Variants in C1orf21 observed in about 807,000 individuals in gnomAD.
C1orf21 encodes the protein chromosome 1 open reading frame 21, also known as uncharacterized protein C1orf21.
Under a neutral mutation model 18.7 loss-of-function variants are expected in C1orf21, and 3 were observed. The observed-to-expected ratio is 0.16, with a 90% CI of 0.07 to 0.42. C1orf21 has a LOEUF of 0.42. Among genes scored for constraint, C1orf21 ranks in the 10% least tolerant of loss-of-function variants. The pLI is 0.99. For missense variants in C1orf21, 104 were observed against 143.6 expected, an observed-to-expected ratio of 0.72 and a Z score of 1.41; for synonymous variants, 41 against 46.4, an observed-to-expected ratio of 0.88 and a Z score of 0.47.
At chr1:184,549,079 T>C (rs1482594156) in intron 3 of C1orf21, among the ~76,000 whole-genome samples, 1 of 152,198 alleles carries the variant, frequency 6.6e-6, no homozygotes, top group African/African-American at 2.4e-5. Context: ...AAGAGGTATA[T>C]AGGTTTTACC....
At chr1:184,440,787 T>C (rs1656931221) in intron 1 of C1orf21, among the ~76,000 whole-genome samples, 2 of 152,344 alleles carry the variant, frequency 1.3e-5, no homozygotes, top group Non-Finnish European at 2.9e-5. Flanking sequence ...TCAACACTTA[T>C]GTTAAAAAAT....
chr1:184,584,487 C>A (rs972023940), intron 3 of C1orf21, among the ~76,000 whole-genome samples: 2 of 152,128 alleles, frequency 1.3e-5, no homozygotes, highest in Admixed American at 1.3e-4. Context: ...TAAAATGGTG[C>A]AGCCACCTTG....
At chr1:184,575,629 AAAG>A (rs1373781326) in intron 3 of C1orf21, among the ~76,000 whole-genome samples, 27 of 125,334 alleles carry the variant, frequency 2.2e-4, no homozygotes, top group South Asian at 4.4e-4. Flanking sequence ...AAAAAAAAAA[AAAG>A]AAGAACTTTA....
At chr1:184,472,243 A>G (rs1180602914) in intron 1 of C1orf21, among the ~76,000 whole-genome samples, 1 of 152,130 alleles carries the variant, frequency 6.6e-6, no homozygotes, top group Non-Finnish European at 1.5e-5. Context: ...CTTTTTAATC[A>G]GAAGAAGAAA....
At chr1:184,543,175 T>A (rs1395756954) in intron 3 of C1orf21, among the ~76,000 whole-genome samples, 4 of 152,102 alleles carry the variant, frequency 2.6e-5, no homozygotes, top group Non-Finnish European at 5.9e-5. Flanking sequence ...GCAAGACACC[T>A]TCTTCACAAA....
chr1:184,564,889 T>C (rs530001962), intron 3 of C1orf21, among the ~76,000 whole-genome samples: 2 of 152,232 alleles, frequency 1.3e-5, no homozygotes, highest in South Asian at 4.2e-4. Flanking sequence ...GAAGGTGAGG[T>C]TTGAAAATTC....
chr1:184,436,626 G>A (rs1656862783), intron 1 of C1orf21, among the ~76,000 whole-genome samples: 3 of 152,186 alleles, frequency 2.0e-5, no homozygotes, highest in South Asian at 4.1e-4. Context: ...AGACTGAGAA[G>A]TTGGAACACA....
intron 4 of C1orf21, among the ~76,000 whole-genome samples, chr1:184,591,602 C>T (rs552759471): frequency 1.1e-3 from 167 of 152,072 alleles, no homozygotes; most frequent in Middle Eastern, 3.4e-3. Flanking sequence ...GTCAGGAGAT[C>T]GAGACCATCC....
At position 184,599,783 on chromosome 1, in the gene C1orf21, G is replaced by A. The variant is rs114609153; in HGVS notation, c.327+1322G>A. The stretch of plus-strand genomic sequence containing the variant: ...AATACAGGTTAAGTATCCCTAAATC[G>A]AAATCCAAAATGCTCCAAAATCTGT... On this transcript the variant is annotated intron_variant, in intron 5 of 5. Transcript: ENST00000235307. Among the ~76,000 whole-genome samples, 355 of 152,212 alleles carry A rather than the reference G, an allele frequency of 2.3e-3. 1 individual carries two copies. The highest frequency in any genetic ancestry group is 8.3e-3 in the African/African-American group (346 of 41,546).
intron 5 of C1orf21, among the ~76,000 whole-genome samples, chr1:184,601,493 A>G (rs1659584075): frequency 6.6e-6 from 1 of 152,212 alleles, no homozygotes; most frequent in South Asian, 2.1e-4. Flanking sequence ...GGACTACTCT[A>G]ATTCAGAGAT....
intron 2 of C1orf21, among the ~76,000 whole-genome samples, chr1:184,491,461 C>T (rs1657815568): frequency 6.6e-6 from 1 of 151,970 alleles, no homozygotes; most frequent in Non-Finnish European, 1.5e-5. Flanking sequence ...GTGATTCTCC[C>T]ACCTTAGCCT....
chr1:184,518,807 CAGG>C (rs939487505), intron 3 of C1orf21, among the ~76,000 whole-genome samples: 1 of 151,980 alleles, frequency 6.6e-6, no homozygotes, highest in African/African-American at 2.4e-5. Context: ...TCAGGAAACT[CAGG>C]AGGAGATAGA....
intron 3 of C1orf21, among the ~76,000 whole-genome samples, chr1:184,548,960 C>G (rs1390948869): frequency 6.6e-6 from 1 of 152,146 alleles, no homozygotes; most frequent in African/African-American, 2.4e-5. Context: ...ATATATTACT[C>G]TATCACAATT....
intron 3 of C1orf21, among the ~76,000 whole-genome samples, chr1:184,571,783 C>G (rs1348390284): frequency 6.6e-6 from 1 of 152,144 alleles, no homozygotes; most frequent in African/African-American, 2.4e-5. Flanking sequence ...TCCTCATCCT[C>G]TTTAATTTAT....
intron 5 of C1orf21, among the ~76,000 whole-genome samples, chr1:184,613,075 G>T (rs1010045780): frequency 6.6e-6 from 1 of 151,888 alleles, no homozygotes; most frequent in East Asian, 1.9e-4. Flanking sequence ...TCAGCCTCCC[G>T]AGTAGCTGGG....
chr1:184,489,649 G>C (rs2101955443), intron 2 of C1orf21, among the ~76,000 whole-genome samples: 1 of 152,268 alleles, frequency 6.6e-6, no homozygotes, highest in East Asian at 1.9e-4. Context: ...AACATGCATG[G>C]AATAGAGCCA....
At chr1:184,618,724 C>T (rs1354043417) in intron 5 of C1orf21, among the ~76,000 whole-genome samples, 3 of 148,670 alleles carry the variant, frequency 2.0e-5, no homozygotes, top group Non-Finnish European at 3.0e-5. Flanking sequence ...TAACACCTGA[C>T]TTTTTACAAA....
intron 4 of C1orf21, among the ~76,000 whole-genome samples, chr1:184,591,578 G>T (rs914695943): frequency 1.3e-5 from 2 of 152,048 alleles, no homozygotes; most frequent in African/African-American, 4.8e-5. Context: ...AGGCCAAGGC[G>T]GGAGGATCAC....
chr1:184,459,046 A>G (rs1657263963), intron 1 of C1orf21, among the ~76,000 whole-genome samples: 1 of 152,162 alleles, frequency 6.6e-6, no homozygotes, highest in South Asian at 2.1e-4. Flanking sequence ...TTCTATGTAG[A>G]TTGCATTATG....
Sources: gnomAD v4.1 joint callset for allele counts (sites outside exome capture counted in the v4.1 genomes callset) on GRCh38, gnomAD v4.1.1 for gene constraint, MANE v1.5 for transcripts, NCBI Gene and HGNC (gene_info 2026-07-23, HGNC 2026-07-21) for gene names.